The following CLINT1 variants were observed in gnomAD, a reference collection of about 807,000 sequenced individuals.
CLINT1 encodes clathrin interactor 1.
In CLINT1, 15 loss-of-function variants were observed where a neutral mutation model predicts 70.4. That is an observed-to-expected ratio of 0.21 (90% CI 0.14 to 0.33). The LOEUF is 0.33. Ranked by LOEUF, CLINT1 falls within the 10% of genes least tolerant of loss-of-function variation. The pLI, the probability that CLINT1 is intolerant of heterozygous loss-of-function variation, is 1.00. For missense variants in CLINT1, 615 were observed against 778.1 expected, an observed-to-expected ratio of 0.79 and a Z score of 2.49; for synonymous variants, 227 against 254.7, an observed-to-expected ratio of 0.89 and a Z score of 1.04.
chr5:157,820,443 A>G (rs1406907289), intron 1 of CLINT1, among the ~76,000 whole-genome samples: 3 of 152,276 alleles, frequency 2.0e-5, no homozygotes, highest in South Asian at 4.1e-4. Context: ...CTATTTTCCA[A>G]TGAAGCTGTT....
At chr5:157,837,268 G>A (rs745796261) in intron 1 of CLINT1, among the ~76,000 whole-genome samples, 1 of 152,128 alleles carries the variant, frequency 6.6e-6, no homozygotes, top group Non-Finnish European at 1.5e-5. Flanking sequence ...CAGGCATGGT[G>A]GCCCACACCT....
rs748077473 is a variant in CLINT1, at chr5:157,789,345, C to T, written c.1531+18G>A. On this transcript the variant is annotated intron_variant, in intron 11 of 11. Transcript: ENST00000411809. ...ACTGCAAGTACACAAAGAAGTGGGACGTCTTAAGGTAACTTACTCTGTTGC... is the reference window on the plus strand; with the variant it reads ...ACTGCAAGTACACAAAGAAGTGGGATGTCTTAAGGTAACTTACTCTGTTGC... 3 of 1,609,112 alleles carry T rather than the reference C, an allele frequency of 1.9e-6. No individual in the cohort carries two copies. The highest frequency in any genetic ancestry group is 1.7e-6 in the Non-Finnish European group (2 of 1,175,546).
chr5:157,840,690 T>G (rs1029278529), intron 1 of CLINT1, among the ~76,000 whole-genome samples: 1 of 151,864 alleles, frequency 6.6e-6, no homozygotes, highest in Non-Finnish European at 1.5e-5. Context: ...AAAGTATACA[T>G]GTATTCTCTT....
intron 1 of CLINT1, among the ~76,000 whole-genome samples, chr5:157,844,608 T>C (rs571270717): frequency 4.0e-4 from 61 of 152,362 alleles, no homozygotes; most frequent in Non-Finnish European, 7.1e-4. Context: ...GCCAGAAATA[T>C]AGTACTTAGA....
At chr5:157,829,667 G>A (rs976970048) in intron 1 of CLINT1, among the ~76,000 whole-genome samples, 1 of 148,838 alleles carries the variant, frequency 6.7e-6, no homozygotes, top group Admixed American at 6.7e-5. Flanking sequence ...GGGACTATAG[G>A]TGCACGCCAC....
At chr5:157,842,775 G>C (rs1282405843) in intron 1 of CLINT1, among the ~76,000 whole-genome samples, 1 of 152,072 alleles carries the variant, frequency 6.6e-6, no homozygotes, top group Non-Finnish European at 1.5e-5. Context: ...ACAAAGTATA[G>C]AAATATTATT....
At chr5:157,838,300 T>C (rs906712551) in intron 1 of CLINT1, among the ~76,000 whole-genome samples, 2 of 152,082 alleles carry the variant, frequency 1.3e-5, no homozygotes, top group Non-Finnish European at 2.9e-5. Flanking sequence ...TTTTTGTATT[T>C]TTAGTAAAGT....
chr5:157,804,921 C>T (rs114122687), intron 7 of CLINT1, among the ~76,000 whole-genome samples: 1 of 144,404 alleles, frequency 6.9e-6, no homozygotes, highest in Non-Finnish European at 1.5e-5. Context: ...GAGCGAAACT[C>T]GGTCTTCCAA....
chr5:157,856,662 G>A (rs538726276), intron 1 of CLINT1, among the ~76,000 whole-genome samples: 10 of 152,250 alleles, frequency 6.6e-5, no homozygotes, highest in African/African-American at 1.7e-4. Flanking sequence ...TCTTGCCAGT[G>A]AAAAGATGAA....
chr5:157,834,046 A>G (rs536202563), intron 1 of CLINT1, among the ~76,000 whole-genome samples: 1 of 152,314 alleles, frequency 6.6e-6, no homozygotes, highest in Non-Finnish European at 1.5e-5. Context: ...GCTCTCTTAA[A>G]GAGCTCCAGT....
chr5:157,855,199 A>G (rs1166316248), intron 1 of CLINT1, among the ~76,000 whole-genome samples: 1 of 148,702 alleles, frequency 6.7e-6, no homozygotes, highest in Non-Finnish European at 1.5e-5. Context: ...TTTACCACTA[A>G]TATTACTCCT....
At chr5:157,829,034 G>A (rs1439676607) in intron 1 of CLINT1, among the ~76,000 whole-genome samples, 2 of 151,884 alleles carry the variant, frequency 1.3e-5, no homozygotes, top group African/African-American at 2.4e-5. Flanking sequence ...CCCGGGAAGC[G>A]GAGGTTGCAG....
intron 1 of CLINT1, among the ~76,000 whole-genome samples, chr5:157,841,075 A>T (rs1753158279): frequency 6.6e-6 from 1 of 152,104 alleles, no homozygotes; most frequent in African/African-American, 2.4e-5. Flanking sequence ...CAGCCTGGGC[A>T]GCATGGCAAA....
In CLINT1 at chr5:157,789,424, T is replaced by C. The variant is rs754237069; in HGVS notation, c.1470A>G (p.Leu490=). The stretch of plus-strand genomic sequence containing the variant: ...GGGGTTTGGAAGGCTGCATACCAGG[T>C]AGTAAGTTGTCTAGGCTGATGTTTA... ...PSVNISLDNL[L]PGMQPSKPQQ... The change falls in exon 11 of 12, where the codon CTA becomes CTG. Residue 490 remains leucine (L), a synonymous_variant. Coordinates refer to ENST00000411809, the MANE Select transcript of CLINT1 (RefSeq NM_014666.4). 2 of 1,613,952 alleles carry C rather than the reference T, an allele frequency of 1.2e-6. No individual in the cohort carries two copies. The highest frequency in any genetic ancestry group is 1.7e-6 in the Non-Finnish European group (2 of 1,179,858).
At chr5:157,844,968 T>C (rs1358866133) in intron 1 of CLINT1, among the ~76,000 whole-genome samples, 1 of 152,238 alleles carries the variant, frequency 6.6e-6, no homozygotes. Context: ...TTATTCAGAA[T>C]ATTGCAAGAG....
At chr5:157,829,082 T>C (rs916185567) in intron 1 of CLINT1, among the ~76,000 whole-genome samples, 6 of 151,666 alleles carry the variant, frequency 4.0e-5, no homozygotes, top group South Asian at 2.1e-4. Flanking sequence ...AGCCTGGGCA[T>C]GGAAGCGAGA....
At chr5:157,842,385 C>T (rs1753216735) in intron 1 of CLINT1, among the ~76,000 whole-genome samples, 2 of 152,016 alleles carry the variant, frequency 1.3e-5, no homozygotes, top group South Asian at 4.1e-4. Context: ...ATCCGGGAGG[C>T]GGAGCTTGCA....
At chr5:157,828,229 C>A (rs185216866) in intron 1 of CLINT1, among the ~76,000 whole-genome samples, 45 of 152,196 alleles carry the variant, frequency 3.0e-4, no homozygotes, top group African/African-American at 1.0e-3. Flanking sequence ...AATGCTAAGG[C>A]GTTTTTATTT....
rs186942991 is a variant in CLINT1 at position 157,849,873 on chromosome 5, G to A, written c.41+9057C>T. On this transcript the variant is annotated intron_variant, in intron 1 of 11. Transcript: ENST00000411809. ...TGTATTCATTCAAAAATATTTGAGCGCCTACTATGTGTCATAATTGTTCTA... is the reference window on the plus strand; with the variant it reads ...TGTATTCATTCAAAAATATTTGAGCACCTACTATGTGTCATAATTGTTCTA... 7.9e-5 allele frequency among the ~76,000 whole-genome samples: 12 copies of A among 152,276 alleles called. 1 individual carries two copies. In the South Asian group the frequency reaches 1.5e-3, roughly 18 times the overall value.
Sources: allele counts gnomAD v4.1 joint callset (sites outside exome capture counted in the v4.1 genomes callset), GRCh38; gene constraint gnomAD v4.1.1; transcripts MANE v1.5; gene names NCBI Gene and HGNC (gene_info 2026-07-23, HGNC 2026-07-21).